The following SLC9A1 variants were observed in gnomAD, a reference collection of about 807,000 sequenced individuals.
SLC9A1 encodes solute carrier family 9 member A1, also known as sodium/hydrogen exchanger 1.
SLC9A1 carries 22 observed loss-of-function variants against 67.9 expected under a neutral mutation model. That is an observed-to-expected ratio of 0.32 (90% CI 0.23 to 0.46). The LOEUF (loss-of-function observed/expected upper bound fraction) is 0.46. Among genes scored for constraint, SLC9A1 ranks in the 20% least tolerant of loss-of-function variants. SLC9A1 has a pLI of 1.00. For missense variants in SLC9A1, 686 were observed against 1,094.8 expected (o/e 0.63, Z 5.27); for synonymous variants, 421 against 471.8 (o/e 0.89, Z 1.40).
intron 6 of SLC9A1, 99 bp from the exon 7 acceptor site, chr1:27,102,842 T>C: frequency 9.2e-7 from 1 of 1,087,072 alleles, no homozygotes; most frequent in Non-Finnish European, 1.4e-6. Flanking sequence ...GCAGCCCTGC[T>C]GGGTCCAGCC....
intron 2 of SLC9A1, among the ~76,000 whole-genome samples, chr1:27,112,541 G>A (rs538613468): frequency 2.6e-5 from 4 of 152,306 alleles, no homozygotes; most frequent in South Asian, 4.1e-4. Context: ...GTGCTACCAC[G>A]TGCAGACCCT....
Position 27,154,000 on chromosome 1 carries a change from G to A in SLC9A1, c.335C>T (p.Ala112Val). Residue 112 changes from alanine to valine, a missense_variant, in exon 1 of 12, where the codon GCC (alanine) becomes GTC (valine). This residue lies in a region of SLC9A1 where 143 missense variants were observed against 166.7 expected (regional missense o/e 0.86). Transcript: ENST00000263980. The part of the protein sequence containing the change: ...PFEISLWILL[A>V]CLMKIGFHVI... ...GGACTTACCTATCTTCATGAGGCAGGCCAGAAGGATCCAGAGGGAGATCTC... is the reference window on the plus strand; with the variant it reads ...GGACTTACCTATCTTCATGAGGCAGACCAGAAGGATCCAGAGGGAGATCTC... 6.4e-7 allele frequency: 1 copy of A among 1,572,554 alleles called. No individual in the cohort carries two copies. Among genetic ancestry groups the A allele is most frequent in the East Asian group, 2.3e-5 (1 of 44,380 alleles).
chr1:27,120,124 TTTG>T (rs998045006), intron 1 of SLC9A1, among the ~76,000 whole-genome samples: 5 of 149,898 alleles, frequency 3.3e-5, no homozygotes, highest in Admixed American at 6.6e-5. Flanking sequence ...GGAGGTTTTT[TTTG>T]TTTTGTTTTG....
chr1:27,107,904 G>C (rs1397568620), intron 3 of SLC9A1, 39 bp from the exon 4 acceptor site: 1 of 1,450,682 alleles, frequency 6.9e-7, no homozygotes. Flanking sequence ...TCCGTGTCGA[G>C]CTGCACCTGC....
At chr1:27,149,831 C>T (rs534172502) in intron 1 of SLC9A1, among the ~76,000 whole-genome samples, 11 of 152,316 alleles carry the variant, frequency 7.2e-5, no homozygotes, top group Admixed American at 2.0e-4. Flanking sequence ...CAGGGCTGGA[C>T]GCCATGGGGC....
At position 27,100,234 on chromosome 1, in the gene SLC9A1, G is replaced by C; in HGVS notation, c.*73C>G. On this transcript the variant is annotated 3_prime_UTR_variant, in exon 12 of 12. Coordinates refer to ENST00000263980, the MANE Select transcript of SLC9A1 (RefSeq NM_003047.5). The surrounding 1 kb of genome is among the most constrained non-coding windows in gnomAD (Gnocchi z 5.6). ...GGCCAATCCGGGTCAGGAAGGGCAA[G>C]GGGAGCCCCCAGCAGCCCCTGCTCT... is the stretch of plus-strand genomic sequence containing the variant. The C allele has an allele frequency of 8.3e-7, 1 of 1,198,622 alleles. No homozygotes were observed. The highest frequency in any genetic ancestry group is 1.6e-5 in the South Asian group (1 of 61,938). The allele number at this position is 1,198,622 out of a possible 1,614,324, so 74.2% of individuals were successfully genotyped here.
chr1:27,153,671 G>A (rs1275413559), intron 1 of SLC9A1, among the ~76,000 whole-genome samples: 2 of 152,212 alleles, frequency 1.3e-5, no homozygotes, highest in African/African-American at 2.4e-5. Flanking sequence ...CTCCCCTGGG[G>A]GTCTGGCCCA....
intron 1 of SLC9A1, among the ~76,000 whole-genome samples, chr1:27,122,070 G>A (rs1020848669): frequency 7.9e-5 from 12 of 152,176 alleles, no homozygotes; most frequent in African/African-American, 9.6e-5. Flanking sequence ...AGCCAAGATC[G>A]CGCCACTGCA....
At chr1:27,125,932 G>A (rs2083340825) in intron 1 of SLC9A1, among the ~76,000 whole-genome samples, 1 of 152,050 alleles carries the variant, frequency 6.6e-6, no homozygotes, top group Admixed American at 6.6e-5. Context: ...CTACTGAAAG[G>A]CAGGGACTAC....
intron 1 of SLC9A1, among the ~76,000 whole-genome samples, chr1:27,120,389 G>T (rs886842995): frequency 2.0e-5 from 3 of 151,210 alleles, no homozygotes; most frequent in African/African-American, 7.3e-5. Context: ...GCCTCCCAAA[G>T]TGCTGAGATT....
chr1:27,136,068 G>A (rs2083418807), intron 1 of SLC9A1, among the ~76,000 whole-genome samples: 1 of 152,192 alleles, frequency 6.6e-6, no homozygotes, highest in Admixed American at 6.5e-5. Context: ...TGACTGCCCA[G>A]AAGGATGCCT....
chr1:27,142,756 G>A (rs1041292609), intron 1 of SLC9A1, among the ~76,000 whole-genome samples: 29 of 152,316 alleles, frequency 1.9e-4, no homozygotes, highest in Non-Finnish European at 1.0e-4. Flanking sequence ...GGAGCATGTT[G>A]CATCTGCTTT....
intron 6 of SLC9A1, 116 bp from the exon 7 acceptor site, chr1:27,102,859 T>C: frequency 1.1e-6 from 1 of 927,706 alleles, no homozygotes; most frequent in Admixed American, 2.1e-5. Flanking sequence ...AGCCCTGTGG[T>C]TCCATGAGCA....
At chr1:27,131,274 G>A (rs751348602) in intron 1 of SLC9A1, among the ~76,000 whole-genome samples, 7 of 152,022 alleles carry the variant, frequency 4.6e-5, no homozygotes, top group East Asian at 1.9e-4. Context: ...GTCACGCAGC[G>A]TCCAGTTGAA....
intron 1 of SLC9A1, among the ~76,000 whole-genome samples, chr1:27,134,621 T>A (rs940889378): frequency 6.6e-6 from 1 of 152,118 alleles, no homozygotes; most frequent in Non-Finnish European, 1.5e-5. Context: ...AAGTGACTGG[T>A]TTCAGGGTCC....
intron 8 of SLC9A1, 87 bp downstream of exon 8, chr1:27,102,298 G>A: frequency 2.7e-6 from 4 of 1,460,668 alleles, no homozygotes; most frequent in Non-Finnish European, 3.7e-6. Context: ...GACAACAGAA[G>A]ACCCCGCCCC....
intron 1 of SLC9A1, among the ~76,000 whole-genome samples, chr1:27,129,906 G>T (rs1448259434): frequency 6.6e-6 from 1 of 152,086 alleles, no homozygotes; most frequent in Non-Finnish European, 1.5e-5. Context: ...TGAGGAAACC[G>T]GGGCAGAGAG....
intron 4 of SLC9A1, among the ~76,000 whole-genome samples, chr1:27,107,260 CAT>C (rs1419397548): frequency 8.2e-5 from 1 of 12,122 alleles, no homozygotes; most frequent in Non-Finnish European, 2.0e-4. Context: ...AGCCCTTCCA[CAT>C]ATACACCCAG....
At chr1:27,134,963 C>T (rs550821083) in intron 1 of SLC9A1, among the ~76,000 whole-genome samples, 1 of 151,894 alleles carries the variant, frequency 6.6e-6, no homozygotes, top group South Asian at 2.1e-4. Flanking sequence ...TCTCCAACTC[C>T]TGACCTCAGG....
Sources: gnomAD v4.1 joint callset for allele counts (sites outside exome capture counted in the v4.1 genomes callset) on GRCh38, gnomAD v4.1.1 for gene constraint, gnomAD v4.1.1 regional missense constraint, Gnocchi (gnomAD v3.1) non-coding constraint, MANE v1.5 for transcripts, NCBI Gene and HGNC (gene_info 2026-07-23, HGNC 2026-07-21) for gene names.